BAZ2B: variants seen among roughly 807,000 people sequenced by gnomAD.
The protein encoded by BAZ2B is bromodomain adjacent to zinc finger domain 2B, also known as bromodomain adjacent to zinc finger domain protein 2B.
Under a neutral mutation model 246.0 loss-of-function variants are expected in BAZ2B, and 91 were observed. That is an observed-to-expected ratio of 0.37 (90% CI 0.31 to 0.44). BAZ2B has a LOEUF of 0.44. Ranked by LOEUF, BAZ2B falls within the 20% of genes least tolerant of loss-of-function variation. The probability of loss-of-function intolerance (pLI) is 1.00; values close to 1 mark genes in which losing one functional copy is unlikely to be tolerated. For synonymous variants in BAZ2B, 855 were observed against 860.0 expected (o/e 0.99, Z 0.10); for missense variants, 2,332 against 2,533.7 (o/e 0.92, Z 1.71).
intron 31 of BAZ2B, among the ~76,000 whole-genome samples, chr2:159,341,180 T>C (rs1344907115): frequency 6.6e-6 from 1 of 151,760 alleles, no homozygotes; most frequent in Admixed American, 6.6e-5. Context: ...TGGATAGAAA[T>C]AGCCCATGCA....
chr2:159,652,427 C>A, the BAZ2B span, among the ~76,000 whole-genome samples: 10,076 of 152,096 alleles, frequency 0.066, 428 homozygotes, highest in Middle Eastern at 0.18. Flanking sequence ...CCAGGCTAGT[C>A]TCAAACTCCT....
At chr2:159,480,583 C>T (rs2079121284) in intron 2 of BAZ2B, among the ~76,000 whole-genome samples, 1 of 150,130 alleles carries the variant, frequency 6.7e-6, no homozygotes, top group Admixed American at 6.6e-5. Flanking sequence ...TGTGCGCGTG[C>T]ACACACACAC....
At chr2:159,663,660 C>G in the BAZ2B span, among the ~76,000 whole-genome samples, 1 of 151,796 alleles carries the variant, frequency 6.6e-6, no homozygotes, top group South Asian at 2.1e-4. Flanking sequence ...GCTGGTATTA[C>G]AGGCACATGC....
At chr2:159,475,786 TA>T (rs1303802026) in intron 3 of BAZ2B, among the ~76,000 whole-genome samples, 1 of 152,192 alleles carries the variant, frequency 6.6e-6, no homozygotes, top group Non-Finnish European at 1.5e-5. Flanking sequence ...TTCTGTTTGT[TA>T]GTTTTCCTTC....
chr2:159,534,329 C>T (rs1317832525), intron 2 of BAZ2B, among the ~76,000 whole-genome samples: 1 of 152,098 alleles, frequency 6.6e-6, no homozygotes, highest in Non-Finnish European at 1.5e-5. Context: ...TACTACATAC[C>T]TAGGTTATAT....
the BAZ2B span, among the ~76,000 whole-genome samples, chr2:159,663,794 G>C: frequency 3.8e-4 from 57 of 151,158 alleles, no homozygotes; most frequent in African/African-American, 1.3e-3. Flanking sequence ...TGGGATTACA[G>C]GTGTGAGCCA....
intron 31 of BAZ2B, among the ~76,000 whole-genome samples, chr2:159,347,182 G>A (rs987323419): frequency 3.9e-5 from 6 of 152,178 alleles, no homozygotes; most frequent in East Asian, 1.9e-4. Context: ...AAAGAACTGC[G>A]CATCGGAAAT....
chr2:159,594,781 GC>G (rs904251459), intron 1 of BAZ2B, among the ~76,000 whole-genome samples: 1 of 152,062 alleles, frequency 6.6e-6, no homozygotes, highest in African/African-American at 2.4e-5. Flanking sequence ...ACAGGCGCGT[GC>G]CAACATACCC....
intron 2 of BAZ2B, among the ~76,000 whole-genome samples, chr2:159,487,177 A>G (rs1005390575): frequency 6.6e-6 from 1 of 152,172 alleles, no homozygotes; most frequent in Non-Finnish European, 1.5e-5. Flanking sequence ...TTATTGCTAG[A>G]AATTACCTTT....
intron 2 of BAZ2B, among the ~76,000 whole-genome samples, chr2:159,480,640 G>A (rs2079131426): frequency 6.6e-6 from 1 of 151,946 alleles, no homozygotes; most frequent in Non-Finnish European, 1.5e-5. Context: ...TATATACAAC[G>A]TTGTTTGCTA....
intron 25 of BAZ2B, among the ~76,000 whole-genome samples, chr2:159,377,713 T>C (rs1219162424): frequency 2.7e-5 from 4 of 149,582 alleles, no homozygotes; most frequent in South Asian, 2.1e-4. Context: ...CTCGGGAGGC[T>C]GAGGCAGGAG....
intron 16 of BAZ2B, among the ~76,000 whole-genome samples, chr2:159,403,857 A>G (rs529422088): frequency 6.6e-6 from 1 of 152,292 alleles, no homozygotes; most frequent in Non-Finnish European, 1.5e-5. Context: ...AGAAATAAAG[A>G]CTTAAGGGTT....
chr2:159,507,906 T>C (rs2151159520), intron 2 of BAZ2B, among the ~76,000 whole-genome samples: 1 of 152,328 alleles, frequency 6.6e-6, no homozygotes, highest in Non-Finnish European at 1.5e-5. Flanking sequence ...AGTCTCCCTC[T>C]GTCGCCCAGG....
At chr2:159,666,674 A>C in the BAZ2B span, among the ~76,000 whole-genome samples, 12 of 152,000 alleles carry the variant, frequency 7.9e-5, no homozygotes, top group African/African-American at 2.9e-4. Flanking sequence ...TGGCCAACAC[A>C]ACAAAACCCC....
intron 2 of BAZ2B, among the ~76,000 whole-genome samples, chr2:159,505,571 A>T (rs929698096): frequency 2.0e-5 from 3 of 152,226 alleles, no homozygotes; most frequent in Non-Finnish European, 4.4e-5. Context: ...TTGGCCCAGT[A>T]CTTAATATTA....
At chr2:159,582,111 G>A (rs938579261) in intron 1 of BAZ2B, among the ~76,000 whole-genome samples, 3 of 151,960 alleles carry the variant, frequency 2.0e-5, no homozygotes, top group East Asian at 1.9e-4. Flanking sequence ...TAAAGAAAAC[G>A]TATTTATATA....
At chr2:159,337,316 A>T (rs2065850436) in intron 32 of BAZ2B, 1 of 1,138,522 alleles carries the variant, frequency 8.8e-7, no homozygotes, top group East Asian at 2.6e-5. Flanking sequence ...ATAACAAAAA[A>T]AAAGTTTTTA....
chr2:159,468,100 G>A (rs1003898913), intron 3 of BAZ2B, among the ~76,000 whole-genome samples: 1 of 152,140 alleles, frequency 6.6e-6, no homozygotes, highest in Non-Finnish European at 1.5e-5. Flanking sequence ...AAGGACTCCA[G>A]GGTCAGCACA....
Position 159,453,708 on chromosome 2 carries a change from T to G in BAZ2B, c.239A>C (p.His80Pro), listed in dbSNP as rs1420298240. The G allele has an allele frequency of 6.2e-7, 1 of 1,613,686 alleles. No homozygotes were observed. Among genetic ancestry groups the G allele is most frequent in the Non-Finnish European group, 8.5e-7 (1 of 1,179,900 alleles). The change falls in exon 4 of 37, where the codon CAT (histidine) becomes CCT (proline). Residue 80 changes from histidine (H) to proline (P), a missense_variant. His to Pro is a moderately conservative substitution (Grantham distance 77, BLOSUM62 -2). This residue lies in a region of BAZ2B where 242 missense variants were observed against 237.4 expected (regional missense o/e 1.02). Coordinates refer to ENST00000392783, the MANE Select transcript of BAZ2B (RefSeq NM_013450.4). ...TTCTGAATGCCCTGAGCTGGCTGAATGTAGACCAAAGACTGGGTGGCTGAC... is the reference window on the plus strand; with the variant it reads ...TTCTGAATGCCCTGAGCTGGCTGAAGGTAGACCAAAGACTGGGTGGCTGAC... ...PMVSHPVFGL[H>P]SASSGHSEFG...
Sources: allele counts gnomAD v4.1 joint callset (sites outside exome capture counted in the v4.1 genomes callset), GRCh38; gene constraint gnomAD v4.1.1; regional missense constraint gnomAD v4.1.1; transcripts MANE v1.5; gene names NCBI Gene and HGNC (gene_info 2026-07-23, HGNC 2026-07-21).